The following RMDN1 variants were observed in gnomAD, a reference collection of about 807,000 sequenced individuals.
The protein encoded by RMDN1 is regulator of microtubule dynamics protein 1.
In RMDN1, 48 loss-of-function variants were observed where a neutral mutation model predicts 48.9. The ratio of observed to expected loss-of-function variants is 0.98; its 90% CI spans 0.78 to 1.25. The LOEUF (loss-of-function observed/expected upper bound fraction) is 1.25. Among genes scored for constraint, RMDN1 ranks in the 50% most tolerant of loss-of-function variants. The pLI, the probability that RMDN1 is intolerant of heterozygous loss-of-function variation, is 0.00. For synonymous variants in RMDN1, 148 were observed against 132.6 expected, an observed-to-expected ratio of 1.12 and a Z score of -0.80; for missense variants, 418 against 373.4, an observed-to-expected ratio of 1.12 and a Z score of -0.98.
chr8:86,476,336 G>C (rs552622835), intron 8 of RMDN1, among the ~76,000 whole-genome samples: 1 of 152,304 alleles, frequency 6.6e-6, no homozygotes, highest in South Asian at 2.1e-4. Context: ...GAATTACAGA[G>C]ATAAAACATT....
At chr8:86,470,948 T>C (rs543709253), downstream of RMDN1, among the ~76,000 whole-genome samples, 1 of 152,300 alleles carries the variant, frequency 6.6e-6, no homozygotes, top group African/African-American at 2.4e-5. Flanking sequence ...GGTCTGTATC[T>C]TGATTATGGT....
chr8:86,469,244 C>T (rs1812351373), downstream of RMDN1, among the ~76,000 whole-genome samples: 1 of 151,808 alleles, frequency 6.6e-6, no homozygotes, highest in Non-Finnish European at 1.5e-5. Flanking sequence ...ACCTTTTCCC[C>T]TGATGACTTC....
chr8:86,494,547 C>T (rs935400731), intron 2 of RMDN1, among the ~76,000 whole-genome samples: 5 of 152,162 alleles, frequency 3.3e-5, no homozygotes, highest in African/African-American at 1.2e-4. Flanking sequence ...CAGAGCGAGA[C>T]TCTGTCTCAA....
chr8:86,470,332 G>C, downstream of RMDN1: 1 of 1,289,282 alleles, frequency 7.8e-7, no homozygotes, highest in Non-Finnish European at 1.0e-6. Flanking sequence ...AGGGATTCCT[G>C]GGGTTTGTTC....
chr8:86,503,826 T>TG (rs1421119428), intron 2 of RMDN1: 1 of 557,014 alleles, frequency 1.8e-6, no homozygotes, highest in Non-Finnish European at 3.4e-6. Flanking sequence ...GTTAGACTCT[T>TG]TATCAACCAC....
chr8:86,499,795 T>C (rs1209739521), intron 2 of RMDN1, among the ~76,000 whole-genome samples: 1 of 152,138 alleles, frequency 6.6e-6, no homozygotes, highest in Non-Finnish European at 1.5e-5. Flanking sequence ...CAAACTATAC[T>C]ACGAGACAGT....
chr8:86,477,164 G>A, intron 8 of RMDN1, 130 bp downstream of exon 8: 2 of 555,824 alleles, frequency 3.6e-6, no homozygotes, highest in Non-Finnish European at 6.0e-6. Context: ...TTTAAAAATT[G>A]TTTTACAGTA....
At chr8:86,489,691 G>A (rs1402250121) in intron 2 of RMDN1, among the ~76,000 whole-genome samples, 11 of 152,024 alleles carry the variant, frequency 7.2e-5, no homozygotes, top group Admixed American at 6.5e-5. Flanking sequence ...TTAGCTGGGC[G>A]TGATGGCGTG....
chr8:86,470,520 T>C (rs1168155991), downstream of RMDN1: 1 of 909,044 alleles, frequency 1.1e-6, no homozygotes, highest in Non-Finnish European at 1.5e-6. Flanking sequence ...AAAATGAAGA[T>C]AAAAGGACCC....
chr8:86,503,036 G>A (rs917876655), intron 2 of RMDN1, among the ~76,000 whole-genome samples: 2 of 152,094 alleles, frequency 1.3e-5, no homozygotes, highest in South Asian at 4.1e-4. Context: ...CCACAGCAAT[G>A]TTAGCTCCAT....
rs1439464507 is a variant in RMDN1 at position 86,501,976 on chromosome 8, A to G, written c.247+5019T>C. Among the ~76,000 whole-genome samples the G allele has an allele frequency of 3.3e-5, 5 of 152,126 alleles. No homozygotes were observed. In the East Asian group the frequency reaches 5.8e-4, roughly 18 times the overall value. On this transcript the variant is annotated intron_variant, in intron 2 of 9. Transcript: ENST00000406452. ...TCTCAATTATCTGCTTTTTTAACGG[A>G]AAGATAATCACAGATAAATGAAATC...
chr8:86,499,174 C>G (rs1418027236), intron 2 of RMDN1, among the ~76,000 whole-genome samples: 1 of 152,156 alleles, frequency 6.6e-6, no homozygotes, highest in East Asian at 1.9e-4. Flanking sequence ...GATGCCCACT[C>G]TTACCACTCC....
chr8:86,495,091 C>G, intron 2 of RMDN1: 1 of 280,832 alleles, frequency 3.6e-6, no homozygotes, highest in Non-Finnish European at 7.1e-6. Flanking sequence ...CATTCTCCCA[C>G]TGAGAGAGAC....
chr8:86,489,171 A>C (rs1024915558), intron 2 of RMDN1, among the ~76,000 whole-genome samples: 4 of 152,160 alleles, frequency 2.6e-5, no homozygotes, highest in African/African-American at 9.7e-5. Context: ...ACCAAACCAC[A>C]CTGTTTTAAT....
rs748421848 is a variant in RMDN1 at position 86,484,876 on chromosome 8, A to C, written c.581T>G (p.Phe194Cys). Residue 194 changes from phenylalanine (F) to cysteine (C), a missense_variant, in exon 5 of 10, where the codon TTT (phenylalanine) becomes TGT (cysteine). Transcript: ENST00000406452. ...ATTTGAATAATTCATCAGTACCTCA[A>C]AATGCTCCTTGATGATATATGCATT... Reference protein sequence around the residue: ...IANAYIIKEHFEKAIELNPKD... With the variant: ...IANAYIIKEHCEKAIELNPKD... The C allele has an allele frequency of 6.4e-7, 1 of 1,573,592 alleles. No homozygotes were observed. The highest frequency in any genetic ancestry group is 8.7e-7 in the Non-Finnish European group (1 of 1,151,472).
intron 2 of RMDN1, among the ~76,000 whole-genome samples, chr8:86,501,154 A>C (rs1193532754): frequency 6.6e-6 from 1 of 152,166 alleles, no homozygotes; most frequent in African/African-American, 2.4e-5. Flanking sequence ...GCAACACATA[A>C]TTTACCCACG....
chr8:86,506,944 G>C, intron 2 of RMDN1, 51 bp downstream of exon 2: 1 of 884,628 alleles, frequency 1.1e-6, no homozygotes, highest in South Asian at 1.4e-5. Context: ...AATTCTGAAT[G>C]TACGCACACA....
chr8:86,486,078 C>T (rs1815417788), intron 4 of RMDN1, among the ~76,000 whole-genome samples: 1 of 152,150 alleles, frequency 6.6e-6, no homozygotes, highest in South Asian at 2.1e-4. Flanking sequence ...TCTCAGTTGT[C>T]TAGCTGTTAT....
intron 4 of RMDN1, among the ~76,000 whole-genome samples, chr8:86,485,460 T>C (rs1815314018): frequency 6.6e-6 from 1 of 152,062 alleles, no homozygotes; most frequent in Non-Finnish European, 1.5e-5. Flanking sequence ...ACCTCAGGGA[T>C]AGGACATGTT....
Sources: allele counts gnomAD v4.1 joint callset (sites outside exome capture counted in the v4.1 genomes callset), GRCh38; gene constraint gnomAD v4.1.1; transcripts MANE v1.5; gene names NCBI Gene and HGNC (gene_info 2026-07-23, HGNC 2026-07-21).